Variants in TRHDE observed in about 807,000 individuals in gnomAD.
TRHDE encodes thyrotropin-releasing hormone-degrading ectoenzyme.
A neutral mutation model predicts 125.7 loss-of-function variants in TRHDE; 72 were observed. The observed-to-expected ratio is 0.57, with a 90% confidence interval of 0.47 to 0.70. The LOEUF is 0.70. Ranked by LOEUF, TRHDE falls within the 30% of genes least tolerant of loss-of-function variation. The pLI is 0.00. For synonymous variants in TRHDE, 509 were observed against 509.1 expected (o/e 1.00, Z 0.00); for missense variants, 1,110 against 1,327.1 (o/e 0.84, Z 2.54).
At position 72,183,230 on chromosome 12, in the gene TRHDE, C is replaced by T. The variant is rs143335679; in HGVS notation, n.279+77478C>T. 1.1e-3 allele frequency among the ~76,000 whole-genome samples: 164 copies of T among 152,148 alleles called. 1 individual carries two copies. Among genetic ancestry groups the T allele is most frequent in the East Asian group, 1.3e-3 (7 of 5,186 alleles). ...TGTGCTCAACACTGTGTTATGTACC[C>T]GATAATCTTGAGTTAATTTGGTGAA... is the stretch of plus-strand genomic sequence containing the variant. On this transcript the variant is annotated intron_variant and non_coding_transcript_variant, in intron 2 of 4. Coordinates refer to the TRHDE transcript ENST00000548156.
chr12:72,265,168 C>A (rs1415962716), intron 2 of TRHDE, among the ~76,000 whole-genome samples: 1 of 151,166 alleles, frequency 6.6e-6, no homozygotes, highest in Non-Finnish European at 1.5e-5. Context: ...TAATACAAAG[C>A]ATACTAACAT....
upstream of TRHDE, among the ~76,000 whole-genome samples, chr12:72,269,047 A>C (rs1221717382): frequency 6.6e-6 from 1 of 152,146 alleles, no homozygotes; most frequent in Non-Finnish European, 1.5e-5. Context: ...TAACACTGAA[A>C]GCAACCTTAA....
chr12:72,533,723 G>GTTTTTTTTT, intron 6 of TRHDE, among the ~76,000 whole-genome samples: 9 of 97,868 alleles, frequency 9.2e-5, no homozygotes, highest in Non-Finnish European at 2.1e-4. Flanking sequence ...TTTTCTATTT[G>GTTTTTTTTT]TTTTTTTTTT....
At chr12:72,269,451 G>C (rs1025274305), upstream of TRHDE, among the ~76,000 whole-genome samples, 9 of 152,146 alleles carry the variant, frequency 5.9e-5, no homozygotes, top group Non-Finnish European at 1.3e-4. Context: ...AGTTAGTAGA[G>C]ACTTTATTAA....
At chr12:72,134,354 G>A (rs1875934518) in intron 2 of TRHDE, among the ~76,000 whole-genome samples, 1 of 152,048 alleles carries the variant, frequency 6.6e-6, no homozygotes, top group Non-Finnish European at 1.5e-5. Context: ...GGAGGCAAGG[G>A]ATTACAGAAG....
chr12:72,329,352 G>T (rs1263591043), intron 2 of TRHDE, among the ~76,000 whole-genome samples: 2 of 152,120 alleles, frequency 1.3e-5, no homozygotes, highest in Non-Finnish European at 2.9e-5. Flanking sequence ...AAAACATTAG[G>T]CTACAAGAAA....
intron 2 of TRHDE, among the ~76,000 whole-genome samples, chr12:72,156,262 GGAGT>G (rs1484748008): frequency 6.6e-6 from 1 of 152,158 alleles, no homozygotes; most frequent in Non-Finnish European, 1.5e-5. Flanking sequence ...TATTAGGGTG[GGAGT>G]GACCCAATTT....
Position 72,186,924 on chromosome 12 carries a change from G to A in TRHDE, n.279+81172G>A, listed in dbSNP as rs151153367. Among the ~76,000 whole-genome samples, 102 of 152,052 alleles carry A rather than the reference G, an allele frequency of 6.7e-4. 1 individual carries two copies. In the East Asian group the frequency reaches 0.016, roughly 24 times the overall value. ...GTAGGATAAAGAGTCTGTGTTGCCAGCTTATCTTATCAATTAGATGATAGA... is the reference window on the plus strand; with the variant it reads ...GTAGGATAAAGAGTCTGTGTTGCCAACTTATCTTATCAATTAGATGATAGA... On this transcript the variant is annotated intron_variant and non_coding_transcript_variant, in intron 2 of 4. Coordinates refer to the TRHDE transcript ENST00000548156.
At chr12:72,129,477 C>T (rs1461514442) in intron 2 of TRHDE, among the ~76,000 whole-genome samples, 1 of 152,182 alleles carries the variant, frequency 6.6e-6, no homozygotes, top group Admixed American at 6.5e-5. Context: ...TAAGCCTTCT[C>T]TTATGTGTCT....
In TRHDE at chr12:72,178,771, A is replaced by G. The variant is rs76742782; in HGVS notation, n.279+73019A>G. Among the ~76,000 whole-genome samples the G allele has an allele frequency of 8.1e-3, 1,237 of 152,262 alleles. 30 individuals carry two copies. The highest frequency in any genetic ancestry group is 0.012 in the Admixed American group (186 of 15,290). On this transcript the variant is annotated intron_variant and non_coding_transcript_variant, in intron 2 of 4. Coordinates refer to the TRHDE transcript ENST00000548156. Reference sequence around the variant, plus strand: ...ATTTCTAACTCCAGTACAAGATATTATAATGTATTTGGCTAGCACTGTTAA... The same window carrying G: ...ATTTCTAACTCCAGTACAAGATATTGTAATGTATTTGGCTAGCACTGTTAA...
chr12:72,531,446 T>C (rs1446152716), intron 6 of TRHDE, among the ~76,000 whole-genome samples: 2 of 152,036 alleles, frequency 1.3e-5, no homozygotes, highest in Non-Finnish European at 2.9e-5. Context: ...TCTTTTATCA[T>C]ATAGATTTTA....
intron 2 of TRHDE, among the ~76,000 whole-genome samples, chr12:72,287,753 A>T (rs554378037): frequency 5.9e-5 from 9 of 152,126 alleles, no homozygotes; most frequent in African/African-American, 2.2e-4. Flanking sequence ...ATAAAAATCT[A>T]TTGGATTCTC....
At chr12:72,305,457 G>A (rs1458184722) in intron 2 of TRHDE, among the ~76,000 whole-genome samples, 1 of 152,096 alleles carries the variant, frequency 6.6e-6, no homozygotes, top group Admixed American at 6.6e-5. Context: ...AATTGCCTTC[G>A]GGGCAAGTCA....
chr12:72,234,727 T>C (rs1343850920), intron 2 of TRHDE, among the ~76,000 whole-genome samples: 1 of 152,106 alleles, frequency 6.6e-6, no homozygotes, highest in Non-Finnish European at 1.5e-5. Context: ...TTTAGGTGCT[T>C]TAAAAAAAAT....
intron 6 of TRHDE, among the ~76,000 whole-genome samples, chr12:72,504,782 C>T (rs547892459): frequency 2.2e-4 from 33 of 152,176 alleles, no homozygotes; most frequent in Admixed American, 1.3e-3. Context: ...TAATGTATCA[C>T]TTATATTTTG....
At chr12:72,345,035 T>C (rs1164266838) in intron 2 of TRHDE, among the ~76,000 whole-genome samples, 2 of 152,116 alleles carry the variant, frequency 1.3e-5, no homozygotes, top group Non-Finnish European at 2.9e-5. Context: ...GGTTGATATG[T>C]TTATTTATGT....
intron 2 of TRHDE, among the ~76,000 whole-genome samples, chr12:72,150,969 G>A (rs1249780562): frequency 6.6e-6 from 1 of 152,044 alleles, no homozygotes; most frequent in Non-Finnish European, 1.5e-5. Context: ...CTGAGGAATC[G>A]CCACACCGAC....
At chr12:72,386,443 C>T (rs531274563) in intron 3 of TRHDE, among the ~76,000 whole-genome samples, 41 of 152,292 alleles carry the variant, frequency 2.7e-4, no homozygotes, top group African/African-American at 9.4e-4. Context: ...GCACCTCATC[C>T]CATCCTTTCT....
At chr12:72,369,564 G>C (rs1007042850) in intron 2 of TRHDE, among the ~76,000 whole-genome samples, 1 of 152,074 alleles carries the variant, frequency 6.6e-6, no homozygotes, top group Admixed American at 6.6e-5. Flanking sequence ...ATGTTTGTAT[G>C]ACACACCAAC....
Sources: gnomAD v4.1 joint callset for allele counts (sites outside exome capture counted in the v4.1 genomes callset) on GRCh38, gnomAD v4.1.1 for gene constraint, MANE v1.5 for transcripts, NCBI Gene and HGNC (gene_info 2026-07-23, HGNC 2026-07-21) for gene names.